The following ENTPD5 variants were observed in gnomAD, a reference collection of about 807,000 sequenced individuals.
ENTPD5 encodes nucleoside diphosphate phosphatase ENTPD5.
A neutral mutation model predicts 60.2 loss-of-function variants in ENTPD5; 49 were observed. The ratio of observed to expected loss-of-function variants is 0.81; its 90% confidence interval spans 0.65 to 1.03. ENTPD5 has a LOEUF of 1.03. Ranked by LOEUF, ENTPD5 falls within the 50% of genes least tolerant of loss-of-function variation. The pLI, the probability that ENTPD5 is intolerant of heterozygous loss-of-function variation, is 0.00. For synonymous variants in ENTPD5, 187 were observed against 185.4 expected (o/e 1.01, Z -0.07); for missense variants, 480 against 507.6 (o/e 0.95, Z 0.52).
intron 3 of ENTPD5, among the ~76,000 whole-genome samples, chr14:74,007,329 G>A (rs547192587): frequency 1.3e-5 from 2 of 152,230 alleles, no homozygotes; most frequent in East Asian, 1.9e-4. Context: ...AGACCATCCT[G>A]GCTAACACGG....
At chr14:73,957,991 A>T (rs1594800368), downstream of ENTPD5, 1 of 701,516 alleles carries the variant, frequency 1.4e-6, no homozygotes, top group Non-Finnish European at 2.6e-6. Flanking sequence ...TCTGTCATTT[A>T]TTAGCTCAGA....
chr14:73,959,155 G>A (rs2056584913), downstream of ENTPD5: 1 of 1,614,150 alleles, frequency 6.2e-7, no homozygotes, highest in Non-Finnish European at 8.5e-7. Context: ...TCTCCTCTCT[G>A]TTGCAGGCCA....
chr14:74,003,099 C>G (rs529060960), intron 3 of ENTPD5, among the ~76,000 whole-genome samples: 1 of 152,318 alleles, frequency 6.6e-6, no homozygotes, highest in East Asian at 1.9e-4. Context: ...ATACTATAAC[C>G]TCTCACCTTC....
intron 13 of ENTPD5, among the ~76,000 whole-genome samples, chr14:73,972,349 G>A (rs965285834): frequency 6.6e-6 from 1 of 152,130 alleles, no homozygotes; most frequent in Non-Finnish European, 1.5e-5. Context: ...ACTCCAGCCT[G>A]GGTAACAGAG....
chr14:74,007,384 G>A (rs1566766879), intron 3 of ENTPD5, among the ~76,000 whole-genome samples: 1 of 152,130 alleles, frequency 6.6e-6, no homozygotes, highest in African/African-American at 2.4e-5. Context: ...AGCTGGGCAT[G>A]CTGGCGCATG....
At chr14:73,958,965 A>G (rs371198071), downstream of ENTPD5, 4 of 1,613,540 alleles carry the variant, frequency 2.5e-6, no homozygotes, top group African/African-American at 4.0e-5. Context: ...TCATGTGTCC[A>G]TGCAGATAGG....
At chr14:74,011,733 G>A (rs986194458) in intron 2 of ENTPD5, among the ~76,000 whole-genome samples, 8 of 152,130 alleles carry the variant, frequency 5.3e-5, no homozygotes, top group Admixed American at 2.6e-4. Context: ...GGGAAGTCGA[G>A]GTTGCAGTGA....
Position 73,966,942 on chromosome 14 carries a change from C to T in ENTPD5, c.1273G>A (p.Gly425Ser). 1 of 1,614,052 alleles carries T rather than the reference C, an allele frequency of 6.2e-7. No homozygotes were observed. The highest frequency in any genetic ancestry group is 1.1e-5 in the South Asian group (1 of 91,076). ...AGTACGTGGCCTCAATGGGAGATGCCCAGAGACTGCAACAGGTGAAAGGTG... is the reference window on the plus strand; with the variant it reads ...AGTACGTGGCCTCAATGGGAGATGCTCAGAGACTGCAACAGGTGAAAGGTG... The part of the protein sequence containing the change: ...GATFHLLQSL[G>S]ISH The change falls in exon 16 of 16, where the codon GGC (glycine) becomes AGC (serine). Residue 425 changes from glycine (G) to serine (S), a missense_variant. Transcript: ENST00000334696.
chr14:74,007,533 A>T (rs2058717383), intron 3 of ENTPD5, among the ~76,000 whole-genome samples: 1 of 152,188 alleles, frequency 6.6e-6, no homozygotes, highest in African/African-American at 2.4e-5. Flanking sequence ...GAAAAAAAAA[A>T]ATTAGGTACT....
At chr14:73,978,533 G>T (rs2057538353) in intron 6 of ENTPD5, among the ~76,000 whole-genome samples, 1 of 151,954 alleles carries the variant, frequency 6.6e-6, no homozygotes, top group Non-Finnish European at 1.5e-5. Flanking sequence ...CCCAGGAGGT[G>T]GAGGTTGCAG....
intron 3 of ENTPD5, among the ~76,000 whole-genome samples, chr14:73,992,880 G>T (rs1432640778): frequency 6.6e-6 from 1 of 151,924 alleles, no homozygotes; most frequent in Non-Finnish European, 1.5e-5. Flanking sequence ...GTACAGGCCT[G>T]TAGTCCTAGC....
chr14:74,010,561 A>AT (rs990766607), intron 3 of ENTPD5, among the ~76,000 whole-genome samples: 2 of 152,144 alleles, frequency 1.3e-5, no homozygotes, highest in African/African-American at 2.4e-5. Flanking sequence ...TCTCAAAAAA[A>AT]AAAAATAAAA....
At chr14:73,961,140 C>T (rs1272797132), downstream of ENTPD5, 2 of 1,606,914 alleles carry the variant, frequency 1.2e-6, no homozygotes, top group South Asian at 2.2e-5. Context: ...ACTCACATTT[C>T]ACCTTGTTTG....
chr14:73,972,404 A>T (rs1431205355), intron 13 of ENTPD5, among the ~76,000 whole-genome samples: 1 of 151,830 alleles, frequency 6.6e-6, no homozygotes. Context: ...AAAAACCAAA[A>T]CAACAACAAC....
At position 73,983,154 on chromosome 14, in the gene ENTPD5, TCAGCACCCTTCAA is replaced by T. The variant is rs778214025; in HGVS notation, c.298-6_304del. The T allele has an allele frequency of 1.9e-5, 30 of 1,612,198 alleles. No homozygotes were observed. Among genetic ancestry groups the T allele is most frequent in the Non-Finnish European group, 2.2e-5 (26 of 1,179,200 alleles). ...CACCTCTAAGAGCCCTTGAACGGTC[TCAGCACCCTTCAA>T]AAGAGATAACCCGTTCATCTGATGA... On this transcript the variant is annotated splice_acceptor_variant and splice_polypyrimidine_tract_variant and coding_sequence_variant and intron_variant, in exon 6 of 16. Coordinates refer to ENST00000334696, the MANE Select transcript of ENTPD5 (RefSeq NM_001249.5). LOFTEE classifies it high-confidence loss of function.
intron 3 of ENTPD5, among the ~76,000 whole-genome samples, chr14:74,001,600 G>A (rs904272185): frequency 4.3e-5 from 6 of 139,076 alleles, no homozygotes; most frequent in East Asian, 2.3e-4. Flanking sequence ...CCTGGGAGGC[G>A]GAGGTTGCAG....
intron 2 of ENTPD5, among the ~76,000 whole-genome samples, chr14:74,011,636 A>AGTTT: frequency 1.3e-5 from 2 of 152,130 alleles, no homozygotes; most frequent in African/African-American, 2.4e-5. Context: ...ATCTCTACAA[A>AGTTT]ATATAAAAAA....
intron 4 of ENTPD5, 32 bp downstream of exon 4, chr14:73,987,852 TAC>T (rs761651670): frequency 1.1e-5 from 18 of 1,604,324 alleles, no homozygotes; most frequent in Admixed American, 1.7e-5. Context: ...AGTGTGGATT[TAC>T]AGACTCTACT....
In ENTPD5 at chr14:73,970,105, A is replaced by G. The variant is rs924843404; in HGVS notation, c.1105T>C (p.Phe369Leu). 1.9e-6 allele frequency: 3 copies of G among 1,613,016 alleles called. No homozygotes were observed. The African/African-American group carries it at 4.0e-5, about 22-fold the overall frequency. ...AREVCDNLEN[F>L]TSGSPFLCMD... The stretch of plus-strand genomic sequence containing the variant: ...CACAGGAAAGGACTGCCTGAGGTGA[A>G]GTTTTCCAAGTTATCACACACTGAA... Residue 369 changes from phenylalanine to leucine, a missense_variant, in exon 15 of 16, where the codon TTC becomes CTC. Transcript: ENST00000334696.
Sources: allele counts gnomAD v4.1 joint callset (sites outside exome capture counted in the v4.1 genomes callset), GRCh38; gene constraint gnomAD v4.1.1; transcripts MANE v1.5; gene names NCBI Gene and HGNC (gene_info 2026-07-23, HGNC 2026-07-21).